PCBP3: variants seen among roughly 807,000 people sequenced by gnomAD.
PCBP3 encodes the protein poly(rC)-binding protein 3.
A neutral mutation model predicts 52.7 loss-of-function variants in PCBP3; 25 were observed. That is an observed-to-expected ratio of 0.47 (90% CI 0.35 to 0.66). The LOEUF is 0.66. Among genes scored for constraint, PCBP3 ranks in the 30% least tolerant of loss-of-function variants. The pLI is 0.01. For synonymous variants in PCBP3, 162 were observed against 183.0 expected (o/e 0.89, Z 0.93); for missense variants, 391 against 490.3 (o/e 0.80, Z 1.91).
chr21:45,803,731 A>C (rs1478550648), intron 4 of PCBP3, among the ~76,000 whole-genome samples: 1 of 152,200 alleles, frequency 6.6e-6, no homozygotes, highest in East Asian at 1.9e-4. Context: ...AACCTGGAGC[A>C]GTATGGGCTC....
At chr21:45,823,144 CT>C (rs1464101548) in intron 4 of PCBP3, among the ~76,000 whole-genome samples, 1 of 152,174 alleles carries the variant, frequency 6.6e-6, no homozygotes, top group Non-Finnish European at 1.5e-5. Context: ...TAGAATTAGA[CT>C]TTTTAACTTT....
intron 2 of PCBP3, among the ~76,000 whole-genome samples, chr21:45,685,827 A>G (rs745841994): frequency 3.9e-5 from 6 of 152,138 alleles, no homozygotes; most frequent in Non-Finnish European, 8.8e-5. Flanking sequence ...GTTGCCAAAC[A>G]CTAACCAATA....
intron 3 of PCBP3, among the ~76,000 whole-genome samples, chr21:45,739,155 A>C (rs1603356554): frequency 1.8e-5 from 1 of 56,502 alleles, no homozygotes; most frequent in Non-Finnish European, 3.1e-5. Flanking sequence ...CTTCCTGTCC[A>C]TTGTCCTCTG....
chr21:45,780,062 A>T (rs1242569370), intron 4 of PCBP3, among the ~76,000 whole-genome samples: 1 of 152,230 alleles, frequency 6.6e-6, no homozygotes, highest in Admixed American at 6.5e-5. Context: ...ATAATTGTAT[A>T]TCCATGTGAA....
At chr21:45,767,935 T>C (rs1276706285) in intron 4 of PCBP3, among the ~76,000 whole-genome samples, 1 of 152,278 alleles carries the variant, frequency 6.6e-6, no homozygotes, top group African/African-American at 2.4e-5. Flanking sequence ...GATCCTGCTG[T>C]TGTTTAGTGA....
chr21:45,768,266 C>T (rs1342971925), intron 4 of PCBP3, among the ~76,000 whole-genome samples: 1 of 152,222 alleles, frequency 6.6e-6, no homozygotes, highest in Admixed American at 6.5e-5. Context: ...AGTGAGCCAC[C>T]CTCACGTTTC....
At chr21:45,916,884 C>A (rs2073534940) in intron 12 of PCBP3, 1 of 152,280 alleles carries the variant, frequency 6.6e-6, no homozygotes, top group South Asian at 2.1e-4. Flanking sequence ...ACCTGTGGGG[C>A]AGGTGGGGCC....
intron 9 of PCBP3, among the ~76,000 whole-genome samples, chr21:45,902,045 G>A (rs548760097): frequency 7.9e-5 from 12 of 152,364 alleles, no homozygotes; most frequent in Admixed American, 6.5e-4. Context: ...CAGGCAGGAG[G>A]GGGAGCTTGG....
Position 45,917,552 on chromosome 21 carries a change from A to C in PCBP3, c.676-36A>C. 6.3e-7 allele frequency: 1 copy of C among 1,591,490 alleles called. No individual in the cohort carries two copies. Among genetic ancestry groups the C allele is most frequent in the East Asian group, 2.2e-5 (1 of 44,710 alleles). ...GCGGGTGCTGAGCCGTGGTGCAGCCAGGTTGCAGTCTGACGGGGTCTCTCT... is the reference window on the plus strand; with the variant it reads ...GCGGGTGCTGAGCCGTGGTGCAGCCCGGTTGCAGTCTGACGGGGTCTCTCT... On this transcript the variant is annotated intron_variant, in intron 12 of 17. Coordinates refer to ENST00000681687, the MANE Select transcript of PCBP3 (RefSeq NM_001384156.1). This position sits in a 1 kb window ranked among gnomAD's most constrained non-coding sequence, Gnocchi z 5.3.
At chr21:45,756,290 A>G (rs1569187016) in intron 4 of PCBP3, among the ~76,000 whole-genome samples, 1 of 152,172 alleles carries the variant, frequency 6.6e-6, no homozygotes, top group Non-Finnish European at 1.5e-5. Context: ...ACTGCACTCC[A>G]TTCCTGTCTT....
intron 4 of PCBP3, among the ~76,000 whole-genome samples, chr21:45,757,248 T>C (rs1044573372): frequency 3.9e-5 from 6 of 152,242 alleles, no homozygotes; most frequent in Admixed American, 2.0e-4. Flanking sequence ...TATCGTGCTG[T>C]GGTATTGATT....
rs568715234 is a variant in PCBP3 at position 45,772,220 on chromosome 21, A to T, written c.-126+16768A>T. ...CTCTTCATCCTCTCCCCTAACCCCC[A>T]TTCACCCTTCCTAGTCTCTAGTATT... On this transcript the variant is annotated intron_variant, in intron 4 of 17. Transcript: ENST00000681687. Among the ~76,000 whole-genome samples the T allele has an allele frequency of 9.2e-5, 14 of 152,012 alleles. No individual in the cohort carries two copies. In the South Asian group the frequency reaches 2.9e-3, roughly 32 times the overall value.
At chr21:45,786,211 T>G (rs2091148479) in intron 4 of PCBP3, among the ~76,000 whole-genome samples, 1 of 149,244 alleles carries the variant, frequency 6.7e-6, no homozygotes, top group African/African-American at 2.5e-5. Context: ...AAAAAAAAAA[T>G]AGTGCCAGTG....
chr21:45,735,481 G>A lies in PCBP3; in HGVS notation c.-162+52G>A, dbSNP rs2085797227. ...CACAGGCGATATTTTTAGACTAAAC[G>A]ACTCTTTCGGTGTCAGCAGAGTTGA... On this transcript the variant is annotated intron_variant, in intron 3 of 17. Transcript: ENST00000681687. The surrounding 1 kb of genome is among the most constrained non-coding windows in gnomAD (Gnocchi z 4.0). The A allele has an allele frequency of 6.6e-6, 1 of 152,116 alleles. No homozygotes were observed. Among genetic ancestry groups the A allele is most frequent in the Non-Finnish European group, 1.5e-5 (1 of 68,014 alleles). The allele number at this position is 152,116 out of a possible 1,614,324, so 9.4% of individuals were successfully genotyped here.
At chr21:45,753,992 G>C (rs1169987976) in intron 3 of PCBP3, among the ~76,000 whole-genome samples, 1 of 152,076 alleles carries the variant, frequency 6.6e-6, no homozygotes, top group Non-Finnish European at 1.5e-5. Context: ...ATGCATCGTG[G>C]TGAGAATGTG....
chr21:45,684,063 A>G (rs1419692438), intron 2 of PCBP3, among the ~76,000 whole-genome samples: 2 of 150,138 alleles, frequency 1.3e-5, no homozygotes, highest in Admixed American at 1.3e-4. Context: ...TACAAAAAAA[A>G]AAAAAAAAAA....
intron 4 of PCBP3, among the ~76,000 whole-genome samples, chr21:45,793,504 G>A (rs2091744649): frequency 6.6e-6 from 1 of 152,110 alleles, no homozygotes; most frequent in South Asian, 2.1e-4. Context: ...AGGAAAGAGA[G>A]AATATTGAGG....
chr21:45,682,889 A>G (rs2081935254), intron 2 of PCBP3, among the ~76,000 whole-genome samples: 1 of 152,146 alleles, frequency 6.6e-6, no homozygotes, highest in African/African-American at 2.4e-5. Flanking sequence ...TAAACTGGAG[A>G]TTCATCAGCC....
chr21:45,885,271 C>A (rs559823282), intron 5 of PCBP3, among the ~76,000 whole-genome samples: 1 of 152,266 alleles, frequency 6.6e-6, no homozygotes, highest in South Asian at 2.1e-4. Flanking sequence ...CCATTGTCTC[C>A]CTCCTGTAGC....
Sources: gnomAD v4.1 joint callset for allele counts (sites outside exome capture counted in the v4.1 genomes callset) on GRCh38, gnomAD v4.1.1 for gene constraint, Gnocchi (gnomAD v3.1) non-coding constraint, MANE v1.5 for transcripts, NCBI Gene and HGNC (gene_info 2026-07-23, HGNC 2026-07-21) for gene names.